Variants in AKAP17A observed in about 807,000 individuals in gnomAD.
AKAP17A encodes the protein A-kinase anchor protein 17A.
In AKAP17A, 15 loss-of-function variants were observed where a neutral mutation model predicts 52.2. The ratio of observed to expected loss-of-function variants is 0.29; its 90% CI spans 0.19 to 0.44. The LOEUF is 0.44. Among genes scored for constraint, AKAP17A ranks in the 20% least tolerant of loss-of-function variants. The probability of loss-of-function intolerance (pLI) is 1.00; values close to 1 mark genes in which losing one functional copy is unlikely to be tolerated. For missense variants in AKAP17A, 1,060 were observed against 1,007.0 expected, an observed-to-expected ratio of 1.05 and a Z score of -0.71; for synonymous variants, 514 against 424.7, an observed-to-expected ratio of 1.21 and a Z score of -2.58.
chrX:1,599,450 C>T lies in AKAP17A; in HGVS notation c.1152+18C>T, dbSNP rs749115617. 6.4e-7 allele frequency: 1 copy of T among 1,554,926 alleles called. No homozygotes were observed. The highest frequency in any genetic ancestry group is 2.0e-4 in the Middle Eastern group (1 of 5,014). Reference sequence around the variant, plus strand: ...GAGCCAAGGTACCCGGGGGCTCCCTCTGCAGCCGCCAGCCGCGCCCGGGCT... The same window carrying T: ...GAGCCAAGGTACCCGGGGGCTCCCTTTGCAGCCGCCAGCCGCGCCCGGGCT... On this transcript the variant is annotated intron_variant, in intron 4 of 4. Coordinates refer to ENST00000313871, the MANE Select transcript of AKAP17A (RefSeq NM_005088.3).
In AKAP17A at chrX:1,595,865, CAT is replaced by C. The variant is rs765753519; in HGVS notation, c.911+334_911+335del. On this transcript the variant is annotated intron_variant, in intron 3 of 4. Coordinates refer to ENST00000313871, the MANE Select transcript of AKAP17A (RefSeq NM_005088.3). Reference sequence around the variant, plus strand: ...TGCTTCTGTATCGGCACATAGCACACATGTGCCTGTGTGCATGCGTGTGTGCC... The same window carrying C: ...TGCTTCTGTATCGGCACATAGCACACGTGCCTGTGTGCATGCGTGTGTGCC... 2.9e-3 allele frequency among the ~76,000 whole-genome samples: 433 copies of C among 151,792 alleles called. 1 individual carries two copies. Among genetic ancestry groups the C allele is most frequent in the Non-Finnish European group, 3.8e-3 (257 of 67,922 alleles).
chrX:1,601,742 G>A lies in AKAP17A; in HGVS notation c.*148G>A. On this transcript the variant is annotated 3_prime_UTR_variant, in exon 5 of 5. Transcript: ENST00000313871. The stretch of plus-strand genomic sequence containing the variant: ...TGTCCACGGAGCCCGCCGGCAGGAA[G>A]GAAGACACCATGCTTTAGAGATCCA... The A allele has an allele frequency of 1.5e-6, 1 of 659,900 alleles. No homozygotes were observed. Among genetic ancestry groups the A allele is most frequent in the Non-Finnish European group, 2.3e-6 (1 of 442,970 alleles). 40.9% of individuals were successfully genotyped at this position (659,900 alleles called of 1,614,324 possible).
intron 2 of AKAP17A, 47 bp downstream of exon 2, chrX:1,594,271 A>T: frequency 6.7e-7 from 1 of 1,498,118 alleles, no homozygotes; most frequent in Non-Finnish European, 8.9e-7. Context: ...CCCTCTGGCG[A>T]CTTCCTTCCA....
chrX:1,596,161 G>A (rs1163885309), intron 3 of AKAP17A, among the ~76,000 whole-genome samples: 2 of 147,006 alleles, frequency 1.4e-5, no homozygotes, highest in Admixed American at 1.4e-4. Flanking sequence ...CTGTTTGCAA[G>A]TTTGCATTTA....
chrX:1,593,035 C>G (rs1932866225), intron 1 of AKAP17A, among the ~76,000 whole-genome samples: 1 of 152,140 alleles, frequency 6.6e-6, no homozygotes, highest in Non-Finnish European at 1.5e-5. Flanking sequence ...GGCCCCTTCC[C>G]TTCCCCAGTG....
intron 3 of AKAP17A, among the ~76,000 whole-genome samples, chrX:1,597,692 G>A (rs1481998714): frequency 1.3e-5 from 2 of 152,076 alleles, no homozygotes; most frequent in African/African-American, 4.8e-5. Context: ...ATTTCAGAAA[G>A]CAGCTTGCGG....
At chrX:1,600,518 C>T (rs1331548240) in intron 4 of AKAP17A, 141 bp from the exon 5 acceptor site, 12 of 883,880 alleles carry the variant, frequency 1.4e-5, no homozygotes, top group African/African-American at 1.4e-4. Context: ...AGACGCCCCC[C>T]ACCCCTGGGC....
In AKAP17A at chrX:1,601,256, A is replaced by C; in HGVS notation, c.1750A>C (p.Ser584Arg). Residue 584 changes from serine to arginine, a missense_variant, in exon 5 of 5, where the codon AGC becomes CGC. Ser to Arg is a moderately radical substitution (Grantham distance 110, BLOSUM62 -1). Coordinates refer to ENST00000313871, the MANE Select transcript of AKAP17A (RefSeq NM_005088.3). Reference sequence around the variant, plus strand: ...ACAGGACAAGTGCAACCGGGAGCCCAGCAAGGGCCGGGGCCGGGCCACCGG... The same window carrying C: ...ACAGGACAAGTGCAACCGGGAGCCCCGCAAGGGCCGGGGCCGGGCCACCGG... ...SEQDKCNREP[S>R]KGRGRATGDG... The C allele has an allele frequency of 6.2e-7, 1 of 1,613,552 alleles. No homozygotes were observed. Among genetic ancestry groups the C allele is most frequent in the African/African-American group, 1.3e-5 (1 of 75,048 alleles).
At chrX:1,596,960 G>T (rs752805139) in intron 3 of AKAP17A, among the ~76,000 whole-genome samples, 3 of 150,226 alleles carry the variant, frequency 2.0e-5, no homozygotes, top group African/African-American at 4.9e-5. Context: ...CGTCCCTCCC[G>T]CTGTGTCCTC....
At position 1,601,367 on chromosome X, in the gene AKAP17A, C is replaced by T. The variant is rs758634437; in HGVS notation, c.1861C>T (p.Arg621Trp). The change falls in exon 5 of 5, where the codon CGG (arginine) becomes TGG (tryptophan). Residue 621 changes from arginine (R) to tryptophan (W), a missense_variant. Arg to Trp is a moderately radical substitution (Grantham distance 101). This residue lies in a region of AKAP17A where 793 missense variants were observed against 629.9 expected (regional missense o/e 1.26). Transcript: ENST00000313871. ...GGAGGACGGGAGGCCACGCAAGGAGCGGCGGCCCCACAAGAAGCACGCCTA... is the reference window on the plus strand; with the variant it reads ...GGAGGACGGGAGGCCACGCAAGGAGTGGCGGCCCCACAAGAAGCACGCCTA... Reference protein sequence around the residue: ...SREDGRPRKERRPHKKHAYKD... With the variant: ...SREDGRPRKEWRPHKKHAYKD... 49 of 1,577,426 alleles carry T rather than the reference C, an allele frequency of 3.1e-5. No homozygotes were observed. The highest frequency in any genetic ancestry group is 9.0e-5 in the East Asian group (4 of 44,298).
At chrX:1,597,623 A>C (rs1283535599) in intron 3 of AKAP17A, among the ~76,000 whole-genome samples, 2 of 150,842 alleles carry the variant, frequency 1.3e-5, no homozygotes, top group Non-Finnish European at 3.0e-5. Context: ...ACATTCTGGA[A>C]GTGTGGAGTG....
In AKAP17A at chrX:1,593,690, C is replaced by T; in HGVS notation, c.228C>T (p.Phe76=). The T allele has an allele frequency of 1.2e-6, 2 of 1,614,010 alleles. No homozygotes were observed. Among genetic ancestry groups the T allele is most frequent in the Non-Finnish European group, 1.7e-6 (2 of 1,179,878 alleles). The change falls in exon 2 of 5, where the codon TTC becomes TTT. Residue 76 remains phenylalanine, a synonymous_variant. Transcript: ENST00000313871. ...TLRISKSTMD[F]IRFEGEVENK... ...GTATTTCCAAGAGCACCATGGACTTCATCCGCTTCGAGGGGGAGGTGGAGA... is the reference window on the plus strand; with the variant it reads ...GTATTTCCAAGAGCACCATGGACTTTATCCGCTTCGAGGGGGAGGTGGAGA...
chrX:1,594,200 C>T lies in AKAP17A; in HGVS notation c.738C>T (p.Gly246=), dbSNP rs372903300. The T allele has an allele frequency of 3.2e-5, 50 of 1,554,332 alleles. 1 individual carries two copies. Among genetic ancestry groups the T allele is most frequent in the Non-Finnish European group, 4.2e-5 (48 of 1,147,360 alleles). ...AACTCATGTACAAGGGCGAGGACGG[C>T]AAGGCCGTGGCCTGCAACATCAAGG... is the stretch of plus-strand genomic sequence containing the variant. ...GMKLMYKGED[G]KAVACNIKVS... is the part of the protein sequence containing the mutation. Residue 246 remains glycine (G), a synonymous_variant, in exon 2 of 5, where the codon GGC becomes GGT. Transcript: ENST00000313871.
At position 1,591,648 on chromosome X, in the gene AKAP17A, C is replaced by T. The variant is rs1430697147; in HGVS notation, c.-141C>T. 6.6e-6 allele frequency: 1 copy of T among 151,886 alleles called. No individual in the cohort carries two copies. The highest frequency in any genetic ancestry group is 2.4e-5 in the African/African-American group (1 of 41,310). 9.4% of individuals were successfully genotyped at this position (151,886 alleles called of 1,614,324 possible). On this transcript the variant is annotated 5_prime_UTR_variant, in exon 1 of 5. Transcript: ENST00000313871. ...GACGGCGGTGGCGGCGTCGGAGGCG[C>T]CTCCGGGGGACGGTGGCGGCTCCCG...
At chrX:1,594,649 C>T (rs756637234) in intron 2 of AKAP17A, among the ~76,000 whole-genome samples, 159 of 150,884 alleles carry the variant, frequency 1.1e-3, no homozygotes, top group South Asian at 2.7e-3. Flanking sequence ...GGCAGAGTCT[C>T]GATCTGTTTC....
Position 1,601,431 on chromosome X carries a change from A to G in AKAP17A, c.1925A>G (p.Asp642Gly). 1 of 1,572,854 alleles carries G rather than the reference A, an allele frequency of 6.4e-7. No homozygotes were observed. The highest frequency in any genetic ancestry group is 8.6e-7 in the Non-Finnish European group (1 of 1,167,090). ...DSPRRRSTSP[D>G]HTRSRRSHSK... ...CCCCGCCGGCGCAGCACGAGCCCGG[A>G]CCACACCCGGTCCCGGAGGTCCCAC... is the stretch of plus-strand genomic sequence containing the variant. Residue 642 changes from aspartate (D) to glycine (G), a missense_variant, in exon 5 of 5, where the codon GAC becomes GGC. By Grantham distance (94) the Asp-to-Gly change is moderately conservative (BLOSUM62 -1). Around this residue, in one of 2 missense-constraint regions of AKAP17A, gnomAD observed 793 missense variants for 629.9 expected, o/e 1.26. Coordinates refer to ENST00000313871, the MANE Select transcript of AKAP17A (RefSeq NM_005088.3).
chrX:1,600,845 C>A lies in AKAP17A; in HGVS notation c.1339C>A (p.Pro447Thr), dbSNP rs767466407. 1.7e-5 allele frequency: 27 copies of A among 1,591,132 alleles called. No individual in the cohort carries two copies. The highest frequency in any genetic ancestry group is 2.7e-5 in the African/African-American group (2 of 74,692). Reference sequence around the variant, plus strand: ...GCTGAGCATCCTGCTGAGCAAGAAGCCGGACGACAGCCACACACACGACGA... The same window carrying A: ...GCTGAGCATCCTGCTGAGCAAGAAGACGGACGACAGCCACACACACGACGA... ...RLLSILLSKK[P>T]DDSHTHDELG... Residue 447 changes from proline (P) to threonine (T), a missense_variant, in exon 5 of 5, where the codon CCG (proline) becomes ACG (threonine). Around this residue, in one of 2 missense-constraint regions of AKAP17A, gnomAD observed 793 missense variants for 629.9 expected, o/e 1.26. Transcript: ENST00000313871.
rs1266308448 is a variant in AKAP17A at position 1,601,597 on chromosome X, A to G, written c.*3A>G. On this transcript the variant is annotated 3_prime_UTR_variant, in exon 5 of 5. Coordinates refer to ENST00000313871, the MANE Select transcript of AKAP17A (RefSeq NM_005088.3). ...ACCGCAGTACCTGGAACAGGTAATG[A>G]CGGGCACGGCCTCCCCACGGCCTGT... 2 of 1,422,912 alleles carry G rather than the reference A, an allele frequency of 1.4e-6. No homozygotes were observed. Among genetic ancestry groups the G allele is most frequent in the Non-Finnish European group, 9.1e-7 (1 of 1,095,618 alleles). The allele number at this position is 1,422,912 out of a possible 1,614,324, so 88.1% of individuals were successfully genotyped here.
chrX:1,594,736 A>G (rs746833563), intron 2 of AKAP17A, among the ~76,000 whole-genome samples: 187 of 151,776 alleles, frequency 1.2e-3, no homozygotes, highest in Middle Eastern at 6.8e-3. Context: ...CTTCTGCCTC[A>G]GCCTCCCGAG....
Sources: gnomAD v4.1 joint callset for allele counts (sites outside exome capture counted in the v4.1 genomes callset) on GRCh38, gnomAD v4.1.1 for gene constraint, gnomAD v4.1.1 regional missense constraint, MANE v1.5 for transcripts, NCBI Gene and HGNC (gene_info 2026-07-23, HGNC 2026-07-21) for gene names.